The following CHRNB4 variants were observed in gnomAD, a reference collection of about 807,000 sequenced individuals.
The protein encoded by CHRNB4 is cholinergic receptor nicotinic beta 4 subunit.
Under a neutral mutation model 40.4 loss-of-function variants are expected in CHRNB4, and 23 were observed. The ratio of observed to expected loss-of-function variants is 0.57; its 90% CI spans 0.41 to 0.81. The LOEUF (loss-of-function observed/expected upper bound fraction) is 0.81, where lower values mean the gene tolerates loss of function less well. CHRNB4 is among the 30% of genes least tolerant of loss of function. The probability of loss-of-function intolerance (pLI) is 0.00; values close to 1 mark genes in which losing one functional copy is unlikely to be tolerated. For missense variants in CHRNB4, 568 were observed against 670.6 expected (o/e 0.85, Z 1.69); for synonymous variants, 285 against 274.4 (o/e 1.04, Z -0.38).
chr15:78,628,563 G>A (rs185250068), intron 5 of CHRNB4, among the ~76,000 whole-genome samples: 1 of 152,112 alleles, frequency 6.6e-6, no homozygotes, highest in African/African-American at 2.4e-5. Flanking sequence ...CTTCCAGGGG[G>A]GTGATCCTGA....
chr15:78,644,162 CA>C (rs200373615), upstream of CHRNB4, among the ~76,000 whole-genome samples: 2,388 of 116,104 alleles, frequency 0.021, 223 homozygotes, highest in East Asian at 0.33. Flanking sequence ...GACTCTGTCT[CA>C]AAAAAAAAAA....
At chr15:78,650,485 G>C (rs1400602521) in intron 6 of CHRNB4, among the ~76,000 whole-genome samples, 2 of 152,222 alleles carry the variant, frequency 1.3e-5, no homozygotes, top group African/African-American at 4.8e-5. Context: ...TAAGAGCCAA[G>C]CAGAAGTTGG....
chr15:78,654,457 C>A (rs796870692), intron 5 of CHRNB4, among the ~76,000 whole-genome samples: 22 of 152,346 alleles, frequency 1.4e-4, no homozygotes, highest in African/African-American at 4.8e-4. Flanking sequence ...GGAGAGACTG[C>A]AGAGGTGAGT....
At position 78,628,996 on chromosome 15, in the gene CHRNB4, G is replaced by A. The variant is rs140010358; in HGVS notation, c.1309C>T (p.His437Tyr). 116 of 1,613,928 alleles carry A rather than the reference G, an allele frequency of 7.2e-5. No individual in the cohort carries two copies. Among genetic ancestry groups the A allele is most frequent in the Non-Finnish European group, 9.5e-5 (112 of 1,179,946 alleles). The change falls in exon 5 of 6, where the codon CAC becomes TAC. Residue 437 changes from histidine to tyrosine, a missense_variant. Around this residue, in one of 4 missense-constraint regions of CHRNB4, gnomAD observed 242 missense variants for 274.9 expected, o/e 0.88. Transcript: ENST00000261751. ...TGGTCTTCATCGTCATTCTTCATGT[G>A]CTGGGCGATGAAGCTGACACCTTCT... ...ALEGVSFIAQ[H>Y]MKNDDEDQSV...
exon 7 of CHRNB4, chr15:78,649,406 C>G: frequency 2.2e-6 from 1 of 454,994 alleles, no homozygotes; most frequent in Non-Finnish European, 4.4e-6. Flanking sequence ...GGAGCTGGGG[C>G]CAGCAAACTA....
chr15:78,640,083 C>T (rs767005934), intron 1 of CHRNB4, among the ~76,000 whole-genome samples: 1 of 152,148 alleles, frequency 6.6e-6, no homozygotes, highest in African/African-American at 2.4e-5. Flanking sequence ...GATATGCTTT[C>T]CCAAACTGGA....
Position 78,625,041 on chromosome 15 carries a change from T to C in CHRNB4, c.*92A>G, listed in dbSNP as rs1241870612. 5.6e-6 allele frequency: 9 copies of C among 1,605,784 alleles called. No individual in the cohort carries two copies. Among genetic ancestry groups the C allele is most frequent in the Non-Finnish European group, 7.6e-6 (9 of 1,179,810 alleles). Reference sequence around the variant, plus strand: ...GGTTGATGGCCAATGCTCACATATTTACTTAGGGCCTCATCAGCCACAACC... The same window carrying C: ...GGTTGATGGCCAATGCTCACATATTCACTTAGGGCCTCATCAGCCACAACC... On this transcript the variant is annotated 3_prime_UTR_variant, in exon 6 of 6. Coordinates refer to ENST00000261751, the MANE Select transcript of CHRNB4 (RefSeq NM_000750.5).
intron 1 of CHRNB4, 128 bp from the exon 2 acceptor site, chr15:78,635,715 G>T: frequency 3.2e-6 from 4 of 1,235,292 alleles, no homozygotes; most frequent in Non-Finnish European, 4.6e-6. Flanking sequence ...CGAAGGTGCT[G>T]GCAGGCCTGT....
intron 5 of CHRNB4, among the ~76,000 whole-genome samples, chr15:78,654,981 A>C (rs1268499973): frequency 1.3e-5 from 2 of 152,142 alleles, no homozygotes; most frequent in African/African-American, 2.4e-5. Context: ...GGATAACTGG[A>C]GTACAATCAA....
chr15:78,638,219 C>T (rs376911543), intron 1 of CHRNB4, among the ~76,000 whole-genome samples: 2 of 152,254 alleles, frequency 1.3e-5, no homozygotes, highest in East Asian at 1.9e-4. Flanking sequence ...CATGCTCCAG[C>T]TCCGAGCCCA....
At chr15:78,630,868 C>T in intron 4 of CHRNB4, 1 of 567,662 alleles carries the variant, frequency 1.8e-6, no homozygotes. Context: ...CAGACAAGGT[C>T]CCTCCCCTCC....
chr15:78,649,451 G>T, intron 6 of CHRNB4: 2 of 452,900 alleles, frequency 4.4e-6, no homozygotes, highest in South Asian at 3.1e-5. Flanking sequence ...TAAGAAGAAT[G>T]GTTTTTATAA....
At chr15:78,661,178 T>C, upstream of CHRNB4, 2 of 617,844 alleles carry the variant, frequency 3.2e-6, no homozygotes, top group South Asian at 2.7e-5. Flanking sequence ...TCTTGGCCCT[T>C]GAGAGAACCA....
chr15:78,630,234 G>A (rs1259510818), intron 4 of CHRNB4, among the ~76,000 whole-genome samples: 3 of 151,772 alleles, frequency 2.0e-5, no homozygotes, highest in Admixed American at 6.6e-5. Flanking sequence ...TGCCTCCCAG[G>A]TTCAAGCAGT....
intron 5 of CHRNB4, chr15:78,626,838 C>G (rs1436510724): frequency 2.6e-5 from 4 of 152,254 alleles, no homozygotes; most frequent in African/African-American, 9.7e-5. Context: ...ATAACTGGTC[C>G]TGCCTGGCTC....
At chr15:78,643,417 A>G (rs1196353758), upstream of CHRNB4, among the ~76,000 whole-genome samples, 2 of 152,080 alleles carry the variant, frequency 1.3e-5, no homozygotes, top group African/African-American at 2.4e-5. Flanking sequence ...GCCTGGCCCT[A>G]TCTTTCTTAA....
In CHRNB4 at chr15:78,635,585, TC is replaced by T; in HGVS notation, c.57del (p.Asn20ThrfsTer11). 1.2e-6 allele frequency: 2 copies of T among 1,614,030 alleles called. No individual in the cohort carries two copies. The highest frequency in any genetic ancestry group is 1.7e-6 in the Non-Finnish European group (2 of 1,179,942). ...LFFLVALCGRGNCRVANAEEK... is the reference protein window; with the variant it reads ...LFFLVALCGRXNCRVANAEEK... ...TCCTCCGCATTGGCCACGCGGCAGT[TC>T]CCTGAGAAAACACACAGTCAGACCT... On this transcript the variant is annotated frameshift_variant and splice_region_variant, in exon 2 of 6. Coordinates refer to ENST00000261751, the MANE Select transcript of CHRNB4 (RefSeq NM_000750.5). LOFTEE classifies it high-confidence loss of function.
chr15:78,630,982 G>T, intron 4 of CHRNB4, 94 bp downstream of exon 4: 2 of 945,696 alleles, frequency 2.1e-6, no homozygotes, highest in Non-Finnish European at 1.7e-6. Context: ...CAGAGATGGG[G>T]CTCAGGGTTG....
chr15:78,641,478 C>G (rs2054074742), upstream of CHRNB4, among the ~76,000 whole-genome samples: 1 of 152,224 alleles, frequency 6.6e-6, no homozygotes, highest in Non-Finnish European at 1.5e-5. Flanking sequence ...CGGACGCTAG[C>G]GCAGGATCCC....
Sources: allele counts gnomAD v4.1 joint callset (sites outside exome capture counted in the v4.1 genomes callset), GRCh38; gene constraint gnomAD v4.1.1; regional missense constraint gnomAD v4.1.1; transcripts MANE v1.5; gene names NCBI Gene and HGNC (gene_info 2026-07-23, HGNC 2026-07-21).